The following MAGI3 variants were observed in gnomAD, a reference collection of about 807,000 sequenced individuals.
MAGI3 encodes the protein membrane associated guanylate kinase, WW and PDZ domain containing 3.
Under a neutral mutation model 121.8 loss-of-function variants are expected in MAGI3, and 43 were observed. That is an observed-to-expected ratio of 0.35 (90% CI 0.28 to 0.46). The LOEUF is 0.46. Ranked by LOEUF, MAGI3 falls within the 20% of genes least tolerant of loss-of-function variation. MAGI3 has a pLI of 1.00. For missense variants in MAGI3, 1,547 were observed against 1,797.3 expected, an observed-to-expected ratio of 0.86 and a Z score of 2.52; for synonymous variants, 553 against 639.3, an observed-to-expected ratio of 0.86 and a Z score of 2.04.
At chr1:113,432,271 T>A (rs1305143431) in intron 1 of MAGI3, among the ~76,000 whole-genome samples, 4 of 152,184 alleles carry the variant, frequency 2.6e-5, no homozygotes, top group Non-Finnish European at 4.4e-5. Context: ...TTCTAGCACT[T>A]TATATACATT....
At chr1:113,548,641 T>C (rs866419120) in intron 1 of MAGI3, among the ~76,000 whole-genome samples, 15 of 152,248 alleles carry the variant, frequency 9.9e-5, no homozygotes, top group Admixed American at 1.3e-4. Context: ...CCAGAACATG[T>C]AGGGCCTTCT....
At chr1:113,579,674 A>T (rs984386603) in intron 2 of MAGI3, among the ~76,000 whole-genome samples, 12 of 152,186 alleles carry the variant, frequency 7.9e-5, no homozygotes, top group African/African-American at 2.9e-4. Context: ...AAGGTCCTAG[A>T]TAATGATATG....
At chr1:113,408,273 G>T (rs1332294978) in intron 1 of MAGI3, among the ~76,000 whole-genome samples, 15 of 152,072 alleles carry the variant, frequency 9.9e-5, no homozygotes, top group Non-Finnish European at 1.8e-4. Flanking sequence ...ATTCAATCTA[G>T]GCAAAACTTC....
At chr1:113,441,723 A>C (rs1653923869) in intron 1 of MAGI3, among the ~76,000 whole-genome samples, 1 of 152,210 alleles carries the variant, frequency 6.6e-6, no homozygotes, top group Admixed American at 6.5e-5. Context: ...AAAAAGGCAG[A>C]AGCTAAGGAC....
At chr1:113,448,629 T>C (rs1654300693) in intron 1 of MAGI3, among the ~76,000 whole-genome samples, 1 of 152,188 alleles carries the variant, frequency 6.6e-6, no homozygotes, top group East Asian at 1.9e-4. Context: ...TAATTTCTTT[T>C]AAAGCAATGA....
At chr1:113,584,823 C>G (rs567317190) in intron 3 of MAGI3, among the ~76,000 whole-genome samples, 3 of 152,174 alleles carry the variant, frequency 2.0e-5, no homozygotes, top group African/African-American at 4.8e-5. Flanking sequence ...ACTTCCTGGC[C>G]TTAAACAAAT....
chr1:113,450,280 G>T (rs1654412009), intron 1 of MAGI3: 1 of 1,595,244 alleles, frequency 6.3e-7, no homozygotes, highest in Non-Finnish European at 8.6e-7. Context: ...GAGAGGTCGT[G>T]GAGGTGGATC....
At chr1:113,461,298 A>C (rs911100820) in intron 1 of MAGI3, among the ~76,000 whole-genome samples, 1 of 152,198 alleles carries the variant, frequency 6.6e-6, no homozygotes, top group African/African-American at 2.4e-5. Flanking sequence ...AAAAAGAACA[A>C]GTGCCAGAGG....
intron 1 of MAGI3, among the ~76,000 whole-genome samples, chr1:113,445,222 G>A (rs2101469712): frequency 6.6e-6 from 1 of 152,226 alleles, no homozygotes; most frequent in African/African-American, 2.4e-5. Flanking sequence ...TTTCAAAGCT[G>A]GTGAAATACA....
intron 12 of MAGI3, among the ~76,000 whole-genome samples, chr1:113,647,648 C>G (rs1230660): frequency 0.012 from 1,856 of 152,184 alleles, 47 homozygotes; most frequent in African/African-American, 0.043. Context: ...GTAAATCTAC[C>G]TTGGAAAAGA....
At chr1:113,416,898 T>C (rs779913639) in intron 1 of MAGI3, among the ~76,000 whole-genome samples, 1 of 151,968 alleles carries the variant, frequency 6.6e-6, no homozygotes, top group African/African-American at 2.4e-5. Context: ...GGGAGAGTGG[T>C]TATAAATAAA....
At chr1:113,556,211 T>TA (rs1479174816) in intron 2 of MAGI3, among the ~76,000 whole-genome samples, 7 of 151,370 alleles carry the variant, frequency 4.6e-5, no homozygotes, top group Non-Finnish European at 1.0e-4. Flanking sequence ...AGGAAGAAAA[T>TA]AATAAAAAGT....
In MAGI3 at chr1:113,637,268, CATT is replaced by C. The variant is rs1398434216; in HGVS notation, c.1361-4640_1361-4638del. Among the ~76,000 whole-genome samples the C allele has an allele frequency of 7.2e-5, 11 of 152,262 alleles. No homozygotes were observed. In the East Asian group the frequency reaches 1.9e-3, roughly 27 times the overall value. ...TTATTATGTGTGAATTTGATCCTGTCATTATGATGTTCGCTGGTTATTTTGCTC... is the reference window on the plus strand; with the variant it reads ...TTATTATGTGTGAATTTGATCCTGTCATGATGTTCGCTGGTTATTTTGCTC... On this transcript the variant is annotated intron_variant, in intron 9 of 20. Transcript: ENST00000307546.
chr1:113,467,639 C>G (rs1214278122), intron 1 of MAGI3, among the ~76,000 whole-genome samples: 1 of 152,008 alleles, frequency 6.6e-6, no homozygotes, highest in Non-Finnish European at 1.5e-5. Context: ...TTCGAGTGAT[C>G]CTCCTGCCTC....
At chr1:113,525,393 A>G (rs2101632581) in intron 1 of MAGI3, among the ~76,000 whole-genome samples, 1 of 152,054 alleles carries the variant, frequency 6.6e-6, no homozygotes, top group Non-Finnish European at 1.5e-5. Context: ...TGACTTTGAC[A>G]TTTTAGAAGA....
intron 1 of MAGI3, chr1:113,450,021 G>T (rs1234613255): frequency 6.4e-7 from 1 of 1,567,642 alleles, no homozygotes; most frequent in Admixed American, 1.7e-5. Flanking sequence ...GAAAATTTTT[G>T]TTGGTGGTAT....
rs1653602060 is a variant in MAGI3, at chr1:113,658,515, G to A, written c.2630-565G>A. On this transcript the variant is annotated intron_variant, in intron 15 of 20. Coordinates refer to ENST00000307546, the MANE Select transcript of MAGI3 (RefSeq NM_001142782.2). This position sits in a 1 kb window ranked among gnomAD's most constrained non-coding sequence, Gnocchi z 4.0. ...AAATAAGAGGAATTAATTTACATGT[G>A]GAATTAAGTATGATTCATTTTAATT... is the stretch of plus-strand genomic sequence containing the variant. 6.6e-6 allele frequency among the ~76,000 whole-genome samples: 1 copy of A among 152,114 alleles called. No homozygotes were observed. The highest frequency in any genetic ancestry group is 1.5e-5 in the Non-Finnish European group (1 of 68,018).
intron 9 of MAGI3, 43 bp from the exon 10 acceptor site, chr1:113,641,868 A>G: frequency 1.3e-6 from 2 of 1,508,100 alleles, no homozygotes; most frequent in East Asian, 4.6e-5. Flanking sequence ...AAATTAACTT[A>G]TTTGTTGATT....
chr1:113,495,932 A>G (rs1469718258), intron 1 of MAGI3, among the ~76,000 whole-genome samples: 3 of 105,914 alleles, frequency 2.8e-5, no homozygotes, highest in Non-Finnish European at 4.8e-5. Flanking sequence ...TAGACCTGCT[A>G]TGATTGATAA....
Sources: allele counts gnomAD v4.1 joint callset (sites outside exome capture counted in the v4.1 genomes callset), GRCh38; gene constraint gnomAD v4.1.1; non-coding constraint Gnocchi (gnomAD v3.1); transcripts MANE v1.5; gene names NCBI Gene and HGNC (gene_info 2026-07-23, HGNC 2026-07-21).